The following AGRN variants were observed in gnomAD, a reference collection of about 807,000 sequenced individuals.
AGRN encodes the protein agrin proteoglycan.
AGRN carries 106 observed loss-of-function variants against 211.0 expected under a neutral mutation model. The ratio of observed to expected loss-of-function variants is 0.50; its 90% confidence interval spans 0.43 to 0.59. The LOEUF is 0.59. AGRN is among the 20% of genes least tolerant of loss of function. AGRN has a pLI of 0.00. For missense variants in AGRN, 3,040 were observed against 2,982.6 expected (o/e 1.02, Z -0.45); for synonymous variants, 1,525 against 1,332.5 (o/e 1.14, Z -3.15).
At chr1:1,042,800 G>A (rs1644981471) in intron 7 of AGRN, among the ~76,000 whole-genome samples, 1 of 152,048 alleles carries the variant, frequency 6.6e-6, no homozygotes, top group Non-Finnish European at 1.5e-5. Context: ...TGGCCTTGTG[G>A]TCCTCAGAGC....
intron 2 of AGRN, 23 bp from the exon 3 acceptor site, chr1:1,035,254 C>T (rs764265032): frequency 6.2e-7 from 1 of 1,612,476 alleles, no homozygotes; most frequent in Non-Finnish European, 8.5e-7. Flanking sequence ...AGGAGCCTAA[C>T]TTGGGGATTT....
At chr1:1,047,052 T>G in intron 19 of AGRN, 95 bp downstream of exon 19, 5 of 1,529,742 alleles carry the variant, frequency 3.3e-6, no homozygotes, top group Non-Finnish European at 4.4e-6. Context: ...TGCCGGGGGT[T>G]ATGGTCTTGG....
Position 1,045,219 on chromosome 1 carries a change from C to T in AGRN, c.2313C>T (p.Tyr771=), listed in dbSNP as rs145920099. The T allele has an allele frequency of 1.2e-5, 20 of 1,612,384 alleles. No individual in the cohort carries two copies. Among genetic ancestry groups the T allele is most frequent in the Middle Eastern group, 1.7e-4 (1 of 6,038 alleles). The part of the protein sequence containing the change: ...VAPLHCAQTP[Y]GCCQDNITAA... ...CCTTACACTGTGCCCAGACGCCCTACGGCTGCTGCCAGGACAATATCACCG... is the reference window on the plus strand; with the variant it reads ...CCTTACACTGTGCCCAGACGCCCTATGGCTGCTGCCAGGACAATATCACCG... The change falls in exon 13 of 36, where the codon TAC becomes TAT. Residue 771 remains tyrosine, a synonymous_variant. Transcript: ENST00000379370.
Position 1,048,825 on chromosome 1 carries a change from C to T in AGRN, c.4106-42C>T. 6.6e-7 allele frequency: 1 copy of T among 1,506,446 alleles called. No homozygotes were observed. Among genetic ancestry groups the T allele is most frequent in the African/African-American group, 1.4e-5 (1 of 70,896 alleles). The allele number at this position is 1,506,446 out of a possible 1,614,324, so 93.3% of individuals were successfully genotyped here. A position where few individuals can be genotyped will look rare whatever the true frequency, so the allele number is the denominator to read the frequency against. ...GTTTCAGGGATAAAAGTGGGGAATC[C>T]TCGGAGCTTTTCCAGCCGGCCCTCC... is the stretch of plus-strand genomic sequence containing the variant. On this transcript the variant is annotated intron_variant, in intron 23 of 35. Transcript: ENST00000379370. The surrounding 1 kb of genome is among the most constrained non-coding windows in gnomAD (Gnocchi z 5.9).
chr1:1,032,306 T>C lies in AGRN; in HGVS notation c.464-2971T>C, dbSNP rs2100597628. On this transcript the variant is annotated intron_variant, in intron 2 of 35. Coordinates refer to ENST00000379370, the MANE Select transcript of AGRN (RefSeq NM_198576.4). The surrounding 1 kb of genome is among the most constrained non-coding windows in gnomAD (Gnocchi z 4.7). ...CTGTCTGGGTGATGGGGCATGGTGC[T>C]GGTCCCTGGCTGTGGGGTGGAAAGG... 6.6e-6 allele frequency among the ~76,000 whole-genome samples: 1 copy of C among 152,284 alleles called. No individual in the cohort carries two copies. The highest frequency in any genetic ancestry group is 6.5e-5 in the Admixed American group (1 of 15,300).
Position 1,031,932 on chromosome 1 carries a change from C to T in AGRN, c.464-3345C>T, listed in dbSNP as rs1190513771. 1.3e-5 allele frequency among the ~76,000 whole-genome samples: 2 copies of T among 152,216 alleles called. No individual in the cohort carries two copies. Among genetic ancestry groups the T allele is most frequent in the African/African-American group, 4.8e-5 (2 of 41,454 alleles). ...ATGGGGAATGCATGTGAACCACCTG[C>T]CTCTGCACACAGCAAGTCCTGTTCT... On this transcript the variant is annotated intron_variant, in intron 2 of 35. Transcript: ENST00000379370. This position sits in a 1 kb window ranked among gnomAD's most constrained non-coding sequence, Gnocchi z 4.8.
rs376955370 is a variant in AGRN, at chr1:1,049,948, G to T, written c.4790G>T (p.Cys1597Phe). 2.5e-6 allele frequency: 4 copies of T among 1,612,152 alleles called. No homozygotes were observed. In the African/African-American group the frequency reaches 5.3e-5, roughly 22 times the overall value. The change falls in exon 27 of 36, where the codon TGC (cysteine) becomes TTC (phenylalanine). Residue 1597 changes from cysteine to phenylalanine, a missense_variant. This residue lies in a region of AGRN where 1,537 missense variants were observed against 1,505.0 expected (regional missense o/e 1.02). Coordinates refer to ENST00000379370, the MANE Select transcript of AGRN (RefSeq NM_198576.4). The stretch of plus-strand genomic sequence containing the variant: ...AAGAGCCCCTGCCAGCCCAACCCCT[G>T]CCATGGGGCGGCGCCCTGCCGTGTG... ...DEKSPCQPNP[C>F]HGAAPCRVLP...
At chr1:1,027,412 G>T (rs1463863453) in intron 2 of AGRN, among the ~76,000 whole-genome samples, 1 of 152,184 alleles carries the variant, frequency 6.6e-6, no homozygotes, top group Non-Finnish European at 1.5e-5. Flanking sequence ...GGTGGTGGGT[G>T]ACCCTGGCCT....
In AGRN at chr1:1,043,369, C is replaced by T. The variant is rs775583261; in HGVS notation, c.1515C>T (p.Asp505=). The T allele has an allele frequency of 2.5e-6, 4 of 1,610,082 alleles. No homozygotes were observed. Among genetic ancestry groups the T allele is most frequent in the South Asian group, 1.1e-5 (1 of 90,548 alleles). ...TCTACGATCCTGTGTGCGGCAGCGA[C>T]GGCGTCACATACGGCAGCGCGTGCG... The part of the protein sequence containing the change: ...SSLYDPVCGS[D]GVTYGSACEL... Residue 505 remains aspartate (D), a synonymous_variant, in exon 8 of 36, where the codon GAC becomes GAT. Coordinates refer to ENST00000379370, the MANE Select transcript of AGRN (RefSeq NM_198576.4).
At chr1:1,053,512 T>C (rs1645367966) in intron 33 of AGRN, 5 of 1,526,708 alleles carry the variant, frequency 3.3e-6, no homozygotes, top group Non-Finnish European at 4.4e-6. Context: ...GTGGCAGCAG[T>C]GCCTGCAGAC....
Position 1,049,784 on chromosome 1 carries a change from C to T in AGRN, c.4733C>T (p.Pro1578Leu), listed in dbSNP as rs1182152353. The change falls in exon 26 of 36, where the codon CCC becomes CTC. Residue 1578 changes from proline to leucine, a missense_variant. Transcript: ENST00000379370. ...EAGRFHCQCP[P>L]GRVGPTCADE... ...GGAAGGTTCCATTGCCAGTGCCCGCCCGGCCGCGTCGGTGAGGGTGGGGCC... is the reference window on the plus strand; with the variant it reads ...GGAAGGTTCCATTGCCAGTGCCCGCTCGGCCGCGTCGGTGAGGGTGGGGCC... 2.5e-6 allele frequency: 4 copies of T among 1,594,662 alleles called. No homozygotes were observed. Among genetic ancestry groups the T allele is most frequent in the Middle Eastern group, 3.3e-4 (2 of 5,992 alleles).
rs1645103873 is a variant in AGRN at position 1,046,624 on chromosome 1, TC to T, written c.3143del (p.Pro1048LeufsTer24). 6.2e-7 allele frequency: 1 copy of T among 1,601,760 alleles called. No homozygotes were observed. The highest frequency in any genetic ancestry group is 1.1e-5 in the South Asian group (1 of 90,878). The part of the protein sequence containing the change: ...PVLTVPPTAP[S>X]PAPSLVASAF... ...GCTGACGGTGCCCCCCACGGCACCC[TC>T]CCCTGCACCCAGCCTGGTGGCGTCC... On this transcript the variant is annotated frameshift_variant, in exon 18 of 36. Coordinates refer to ENST00000379370, the MANE Select transcript of AGRN (RefSeq NM_198576.4). LOFTEE classifies it high-confidence loss of function.
chr1:1,051,618 G>C lies in AGRN; in HGVS notation c.5536G>C (p.Gly1846Arg), dbSNP rs199499080. 371 of 1,609,954 alleles carry C rather than the reference G, an allele frequency of 2.3e-4. 1 individual carries two copies. The highest frequency in any genetic ancestry group is 6.7e-5 in the African/African-American group (5 of 74,882). The change falls in exon 32 of 36, where the codon GGA becomes CGA. Residue 1846 changes from glycine to arginine, a missense_variant. This residue lies in a region of AGRN where 1,537 missense variants were observed against 1,505.0 expected (regional missense o/e 1.02). Coordinates refer to ENST00000379370, the MANE Select transcript of AGRN (RefSeq NM_198576.4). ...TGCCTATGTGTGCCTGTGTCCCGGG[G>C]GATTCTCAGGACCGCACTGCGAGAA... ...EAAYVCLCPG[G>R]FSGPHCEKGL...
At chr1:1,047,734 A>G (rs1645141107) in intron 21 of AGRN, 42 bp from the exon 22 acceptor site, 1 of 1,612,078 alleles carries the variant, frequency 6.2e-7, no homozygotes, top group African/African-American at 1.3e-5. Context: ...TGGGTGGGGG[A>G]TGCCTGGGGC....
In AGRN at chr1:1,048,647, G is replaced by A. The variant is rs2100671322; in HGVS notation, c.4106-220G>A. Reference sequence around the variant, plus strand: ...TAGCCGGGCGTGGTGGTGGGCGCCTGTAATCCCACCTCGTGAGGCTGAGGC... The same window carrying A: ...TAGCCGGGCGTGGTGGTGGGCGCCTATAATCCCACCTCGTGAGGCTGAGGC... On this transcript the variant is annotated intron_variant, in intron 23 of 35. Coordinates refer to ENST00000379370, the MANE Select transcript of AGRN (RefSeq NM_198576.4). This position sits in a 1 kb window ranked among gnomAD's most constrained non-coding sequence, Gnocchi z 5.9. 2 of 625,436 alleles carry A rather than the reference G, an allele frequency of 3.2e-6. No homozygotes were observed. The highest frequency in any genetic ancestry group is 2.1e-5 in the South Asian group (1 of 47,364). 38.7% of individuals were successfully genotyped at this position (625,436 alleles called of 1,614,324 possible). A position where few individuals can be genotyped will look rare whatever the true frequency, so the allele number is the denominator to read the frequency against.
Position 1,048,425 on chromosome 1 carries a change from G to A in AGRN, c.4105+60G>A, listed in dbSNP as rs935531839. On this transcript the variant is annotated intron_variant, in intron 23 of 35. Transcript: ENST00000379370. The surrounding 1 kb of genome is among the most constrained non-coding windows in gnomAD (Gnocchi z 5.9). The stretch of plus-strand genomic sequence containing the variant: ...CAGCAGGGTGGGGGCAAGGATTGGG[G>A]GTGGGGCTAAGCCACCATCAGGCTT... 1.6e-6 allele frequency: 2 copies of A among 1,259,772 alleles called. No individual in the cohort carries two copies. Among genetic ancestry groups the A allele is most frequent in the Non-Finnish European group, 2.1e-6 (2 of 935,176 alleles). 78.0% of individuals were successfully genotyped at this position (1,259,772 alleles called of 1,614,324 possible). A position where few individuals can be genotyped will look rare whatever the true frequency, so the allele number is the denominator to read the frequency against.
chr1:1,053,221 G>A, intron 33 of AGRN: 1 of 308,392 alleles, frequency 3.2e-6, no homozygotes, highest in Non-Finnish European at 6.0e-6. Flanking sequence ...CTGCATGTGG[G>A]TGTCTGTGCC....
intron 1 of AGRN, among the ~76,000 whole-genome samples, chr1:1,021,530 G>A (rs1644405492): frequency 6.6e-6 from 1 of 152,242 alleles, no homozygotes; most frequent in Admixed American, 6.5e-5. Flanking sequence ...TGCTTCTCCC[G>A]GCTTTGTTCT....
In AGRN at chr1:1,050,458, G is replaced by A. The variant is rs1444588533; in HGVS notation, c.5008G>A (p.Ala1670Thr). 4 of 1,612,826 alleles carry A rather than the reference G, an allele frequency of 2.5e-6. No individual in the cohort carries two copies. Among genetic ancestry groups the A allele is most frequent in the Non-Finnish European group, 3.4e-6 (4 of 1,179,900 alleles). Residue 1670 changes from alanine (A) to threonine (T), a missense_variant, in exon 29 of 36, where the codon GCA becomes ACA. Ala to Thr is a moderately conservative substitution (Grantham distance 58, BLOSUM62 0). Around this residue, in one of 3 missense-constraint regions of AGRN, gnomAD observed 1,537 missense variants for 1,505.0 expected, o/e 1.02. Coordinates refer to ENST00000379370, the MANE Select transcript of AGRN (RefSeq NM_198576.4). ...GATGGCGCTGGAGGTCGTGTTCCTG[G>A]CACGAGGCCCCAGCGGCCTCCTGCT... ...EKMALEVVFL[A>T]RGPSGLLLYN...
Sources: gnomAD v4.1 joint callset for allele counts (sites outside exome capture counted in the v4.1 genomes callset) on GRCh38, gnomAD v4.1.1 for gene constraint, gnomAD v4.1.1 regional missense constraint, Gnocchi (gnomAD v3.1) non-coding constraint, MANE v1.5 for transcripts, NCBI Gene and HGNC (gene_info 2026-07-23, HGNC 2026-07-21) for gene names.